ZNF280C: variants seen among roughly 807,000 people sequenced by gnomAD.
ZNF280C encodes the protein zinc finger protein 280C.
A neutral mutation model predicts 53.6 loss-of-function variants in ZNF280C; 14 were observed. The ratio of observed to expected loss-of-function variants is 0.26; its 90% CI spans 0.17 to 0.41. The LOEUF (loss-of-function observed/expected upper bound fraction) is 0.41, where lower values mean the gene tolerates loss of function less well. ZNF280C is among the 10% of genes least tolerant of loss of function. ZNF280C has a pLI of 1.00. For missense variants in ZNF280C, 416 were observed against 547.1 expected, an observed-to-expected ratio of 0.76 and a Z score of 2.39; for synonymous variants, 203 against 181.1, an observed-to-expected ratio of 1.12 and a Z score of -0.97.
chrX:130,245,221 G>C (rs1489005644), intron 3 of ZNF280C, among the ~76,000 whole-genome samples: 1 of 111,776 alleles, frequency 8.9e-6, no homozygotes. Flanking sequence ...AGAATCTCTT[G>C]AAACGAATAC....
chrX:130,231,504 G>GT lies in ZNF280C; in HGVS notation c.772-778dup, dbSNP rs1271385174. Among the ~76,000 whole-genome samples, 7 of 111,853 alleles carry GT rather than the reference G, an allele frequency of 6.3e-5. No individual in the cohort carries two copies. The Admixed American group carries it at 6.6e-4, about 11-fold the overall frequency. ...TGTTCTCACTTATAAGTGGAAGCTTGTAAGTGGAAGCTAAACATTGGGTAT... is the reference window on the plus strand; with the variant it reads ...TGTTCTCACTTATAAGTGGAAGCTTGTTAAGTGGAAGCTAAACATTGGGTAT... On this transcript the variant is annotated intron_variant, in intron 8 of 18. Transcript: ENST00000370978.
intron 16 of ZNF280C, among the ~76,000 whole-genome samples, chrX:130,208,943 G>A (rs1469335762): frequency 2.7e-5 from 3 of 111,496 alleles, no homozygotes; most frequent in East Asian, 2.8e-4. Flanking sequence ...TGATCCACCC[G>A]CCTCAGCCTC....
chrX:130,245,226 G>A (rs1297218506), intron 3 of ZNF280C, among the ~76,000 whole-genome samples: 7 of 111,675 alleles, frequency 6.3e-5, no homozygotes, highest in Non-Finnish European at 1.3e-4. Flanking sequence ...CTCTTGAAAC[G>A]AATACACATT....
At chrX:130,210,517 A>C (rs1353125259) in intron 15 of ZNF280C, among the ~76,000 whole-genome samples, 1 of 112,293 alleles carries the variant, frequency 8.9e-6, no homozygotes, top group Non-Finnish European at 1.9e-5. Context: ...TTACATTTTA[A>C]TCTTAATATG....
At chrX:130,267,487 C>G (rs751292347) in intron 1 of ZNF280C, among the ~76,000 whole-genome samples, 40 of 111,492 alleles carry the variant, frequency 3.6e-4, no homozygotes, top group African/African-American at 1.3e-3. Flanking sequence ...GGCACATGAC[C>G]TCGGTAAAGT....
At chrX:130,235,299 G>A (rs1277422865) in intron 8 of ZNF280C, among the ~76,000 whole-genome samples, 2 of 112,423 alleles carry the variant, frequency 1.8e-5, no homozygotes, top group Non-Finnish European at 3.8e-5. Context: ...GGATCCACTT[G>A]ATGCCAGGAG....
chrX:130,209,552 A>G lies in ZNF280C; in HGVS notation c.2042+101T>C. On this transcript the variant is annotated intron_variant, in intron 16 of 18. Coordinates refer to ENST00000370978, the MANE Select transcript of ZNF280C (RefSeq NM_017666.5). ...TCCAACTTTGGTCCAAGGACATAAT[A>G]AACAGAACTCTATCATTTCCAAAGC... The G allele has an allele frequency of 3.8e-6, 3 of 791,382 alleles. No homozygotes were observed. In the South Asian group the frequency reaches 6.7e-5, roughly 18 times the overall value. The allele number at this position is 791,382 out of a possible 1,213,427, so 65.2% of individuals were successfully genotyped here.
intron 2 of ZNF280C, among the ~76,000 whole-genome samples, chrX:130,254,716 A>G (rs1205051147): frequency 9.0e-6 from 1 of 111,196 alleles, no homozygotes; most frequent in Non-Finnish European, 1.9e-5. Flanking sequence ...ATGAGAACAC[A>G]TGGACATATA....
rs1189370437 is a variant in ZNF280C at position 130,205,000 on chromosome X, A to G, written c.2199-8T>C. On this transcript the variant is annotated splice_region_variant and splice_polypyrimidine_tract_variant and intron_variant, in intron 18 of 18. Transcript: ENST00000370978. The stretch of plus-strand genomic sequence containing the variant: ...ATCTATTTCAATGAGCAGCTTTAAG[A>G]AAAAAAAAAAAAAACTTTAATATTT... The G allele has an allele frequency of 5.2e-6, 3 of 576,859 alleles. No homozygotes were observed. Among genetic ancestry groups the G allele is most frequent in the Admixed American group, 1.1e-4 (2 of 18,517 alleles). The allele number at this position is 576,859 out of a possible 1,213,427, so 47.5% of individuals were successfully genotyped here.
chrX:130,256,467 C>T (rs1055917246), intron 2 of ZNF280C, among the ~76,000 whole-genome samples: 1 of 110,795 alleles, frequency 9.0e-6, no homozygotes, highest in African/African-American at 3.3e-5. Context: ...GCCTGTATTC[C>T]CAGCTACACG....
chrX:130,209,882 T>C (rs2124696425), intron 15 of ZNF280C, among the ~76,000 whole-genome samples, 167 bp from the exon 16 acceptor site: 1 of 112,063 alleles, frequency 8.9e-6, no homozygotes, highest in African/African-American at 3.2e-5. Flanking sequence ...AATTTCTGTG[T>C]CACCCCAAAA....
At chrX:130,222,900 G>A (rs1234020690) in intron 12 of ZNF280C, among the ~76,000 whole-genome samples, 2 of 111,439 alleles carry the variant, frequency 1.8e-5, no homozygotes, top group Non-Finnish European at 3.8e-5. Flanking sequence ...ACCCTCCTCG[G>A]TCTCCCAAAG....
At chrX:130,243,933 C>T (rs1211964038) in intron 3 of ZNF280C, 68 bp from the exon 4 acceptor site, 15 of 702,175 alleles carry the variant, frequency 2.1e-5, no homozygotes, top group Non-Finnish European at 2.8e-5. Flanking sequence ...AAAATTCCTC[C>T]AAAAACATAT....
chrX:130,229,765 T>G (rs2032258468), intron 9 of ZNF280C, among the ~76,000 whole-genome samples: 1 of 112,392 alleles, frequency 8.9e-6, no homozygotes, highest in Admixed American at 9.5e-5. Flanking sequence ...TTTTACCTTC[T>G]GCTATTTTAG....
intron 9 of ZNF280C, 147 bp from the exon 10 acceptor site, chrX:130,229,281 T>C (rs972057449): frequency 8.6e-6 from 4 of 465,714 alleles, no homozygotes; most frequent in African/African-American, 7.3e-5. Context: ...CTATAAAGTG[T>C]GTACTTTAAA....
chrX:130,255,719 C>T (rs1047164180), intron 2 of ZNF280C, among the ~76,000 whole-genome samples: 4 of 111,536 alleles, frequency 3.6e-5, no homozygotes, highest in African/African-American at 9.8e-5. Flanking sequence ...CTTTCGGAGG[C>T]CAAGGCAGGT....
intron 11 of ZNF280C, among the ~76,000 whole-genome samples, chrX:130,227,218 AAC>A (rs764414846): frequency 1.5e-4 from 17 of 111,957 alleles, no homozygotes. Context: ...TGCTATATAA[AAC>A]AGAGTATTCT....
At chrX:130,234,781 G>A (rs1037688725) in intron 8 of ZNF280C, among the ~76,000 whole-genome samples, 4 of 111,481 alleles carry the variant, frequency 3.6e-5, no homozygotes, top group East Asian at 2.8e-4. Flanking sequence ...TTTAAGTGGC[G>A]TGTTACCTTA....
intron 16 of ZNF280C, among the ~76,000 whole-genome samples, chrX:130,208,445 A>G (rs907379500): frequency 7.2e-5 from 8 of 111,003 alleles, no homozygotes; most frequent in Non-Finnish European, 1.1e-4. Flanking sequence ...ACAGAATTTG[A>G]TCAATTTTCT....
Sources: gnomAD v4.1 joint callset for allele counts (sites outside exome capture counted in the v4.1 genomes callset) on GRCh38, gnomAD v4.1.1 for gene constraint, MANE v1.5 for transcripts, NCBI Gene and HGNC (gene_info 2026-07-23, HGNC 2026-07-21) for gene names.